ZNF263: variants seen among roughly 807,000 people sequenced by gnomAD.
ZNF263 encodes zinc finger protein FPM315.
In ZNF263, 49 loss-of-function variants were observed where a neutral mutation model predicts 63.1. That is an observed-to-expected ratio of 0.78 (90% CI 0.62 to 0.99). ZNF263 has a LOEUF of 0.99. ZNF263 is among the 50% of genes least tolerant of loss of function. ZNF263 has a pLI of 0.00. For synonymous variants in ZNF263, 352 were observed against 324.2 expected (o/e 1.09, Z -0.92); for missense variants, 872 against 854.8 (o/e 1.02, Z -0.25).
At chr16:3,292,961 CT>C (rs1959650836), downstream of ZNF263, 1 of 152,228 alleles carries the variant, frequency 6.6e-6, no homozygotes, top group Admixed American at 6.5e-5. Flanking sequence ...GCATCTAACA[CT>C]GACTGAGGTC....
intron 1 of ZNF263, among the ~76,000 whole-genome samples, chr16:3,297,456 C>CTTTTTT (rs1168352573): frequency 1.2e-4 from 9 of 76,444 alleles, no homozygotes; most frequent in African/African-American, 2.6e-4. Context: ...GAAACAGATT[C>CTTTTTT]TTTTTTTTTT....
In ZNF263 at chr16:3,283,804, T is replaced by C; in HGVS notation, c.-15T>C. ...CACGGCTGGTTTCGGGCTAAGGCGC[T>C]CTGGAGACCTGACGATGGCGTCGGG... On this transcript the variant is annotated 5_prime_UTR_variant, in exon 1 of 6. Coordinates refer to ENST00000219069, the MANE Select transcript of ZNF263 (RefSeq NM_005741.5). The C allele has an allele frequency of 6.5e-7, 1 of 1,542,414 alleles. No homozygotes were observed.
chr16:3,288,561 C>T lies in ZNF263; in HGVS notation c.877C>T (p.Pro293Ser). The change falls in exon 5 of 6, where the codon CCA (proline) becomes TCA (serine). Residue 293 changes from proline to serine, a missense_variant. Coordinates refer to ENST00000219069, the MANE Select transcript of ZNF263 (RefSeq NM_005741.5). ...CAAGGAGGGCCTGAGCCCCAGAGGC[C>T]CAGCTCCAGGTAAGGAATGAAGACA... ...SCKEGLSPRGPAPGEEKFENL... is the reference protein window; with the variant it reads ...SCKEGLSPRGSAPGEEKFENL... The T allele has an allele frequency of 6.2e-7, 1 of 1,609,784 alleles. No individual in the cohort carries two copies. The highest frequency in any genetic ancestry group is 8.5e-7 in the Non-Finnish European group (1 of 1,178,168).
Position 3,286,065 on chromosome 16 carries a change from G to C in ZNF263, c.685G>C (p.Glu229Gln). The change falls in exon 4 of 6, where the codon GAG (glutamate) becomes CAG (glutamine). Residue 229 changes from glutamate to glutamine, a missense_variant. Glu to Gln is a conservative substitution (Grantham distance 29). Coordinates refer to ENST00000219069, the MANE Select transcript of ZNF263 (RefSeq NM_005741.5). The stretch of plus-strand genomic sequence containing the variant: ...GGACGTGGCAATGTACATCTCCCAG[G>C]AGGAGTGGGGGCATCAGGATCCTAG... ...LEDVAMYISQ[E>Q]EWGHQDPSKR... is the part of the protein sequence containing the mutation. The C allele has an allele frequency of 6.2e-7, 1 of 1,612,830 alleles. No individual in the cohort carries two copies. The highest frequency in any genetic ancestry group is 8.5e-7 in the Non-Finnish European group (1 of 1,179,584).
In ZNF263 at chr16:3,289,440, G is replaced by GGT. The variant is rs745759027; in HGVS notation, c.934_935insGT (p.Glu312GlyfsTer83). The GGT allele has an allele frequency of 6.6e-7, 1 of 1,525,420 alleles. No individual in the cohort carries two copies. Among genetic ancestry groups the GGT allele is most frequent in the South Asian group, 1.3e-5 (1 of 75,510 alleles). The allele number at this position is 1,525,420 out of a possible 1,614,324, so 94.5% of individuals were successfully genotyped here. On this transcript the variant is annotated frameshift_variant, in exon 6 of 6. Coordinates refer to ENST00000219069, the MANE Select transcript of ZNF263 (RefSeq NM_005741.5). LOFTEE classifies it high-confidence loss of function. Reference sequence around the variant, plus strand: ...GGAAGGTGTTCCGTCTGTATGCTCTGAGAACATCCACCCTCAGGTGCTGCT... The same window carrying GGT: ...GGAAGGTGTTCCGTCTGTATGCTCTGGTAGAACATCCACCCTCAGGTGCTGCT...
intron 1 of ZNF263, among the ~76,000 whole-genome samples, chr16:3,298,024 C>T (rs1959810348): frequency 6.6e-6 from 1 of 152,264 alleles, no homozygotes; most frequent in South Asian, 2.1e-4. Flanking sequence ...AATTTAACAG[C>T]GTGTATCGCA....
chr16:3,287,968 T>A (rs1158024191), intron 4 of ZNF263, among the ~76,000 whole-genome samples: 3 of 149,338 alleles, frequency 2.0e-5, no homozygotes, highest in Admixed American at 6.7e-5. Flanking sequence ...AAAAAAAAAA[T>A]TGGCCGGGCG....
intron 4 of ZNF263, 68 bp downstream of exon 4, chr16:3,286,217 C>T: frequency 6.6e-7 from 1 of 1,516,872 alleles, no homozygotes; most frequent in Non-Finnish European, 8.8e-7. Context: ...GTTATTCATT[C>T]ACCTCCTGGA....
rs1483032508 is a variant in ZNF263 at position 3,300,263 on chromosome 16, C to T, written c.*47-650C>T. The T allele has an allele frequency of 3.1e-6, 5 of 1,614,104 alleles. No homozygotes were observed. In the Admixed American group the frequency reaches 5.0e-5, roughly 16 times the overall value. On this transcript the variant is annotated intron_variant, in intron 2 of 2. Coordinates refer to the ZNF263 transcript ENST00000574674. ...AGCCAACCAGTGCTAGCTTTGAAAT[C>T]TGTTCGCCCAAAACACCGTGCAAAT...
Position 3,289,618 on chromosome 16 carries a change from A to T in ZNF263, c.1112A>T (p.Glu371Val), listed in dbSNP as rs1959524101. 1.2e-6 allele frequency: 2 copies of T among 1,614,068 alleles called. No homozygotes were observed. Among genetic ancestry groups the T allele is most frequent in the Non-Finnish European group, 1.7e-6 (2 of 1,180,048 alleles). Residue 371 changes from glutamate to valine, a missense_variant, in exon 6 of 6, where the codon GAA becomes GTA. Transcript: ENST00000219069. ...GGCAGAGAACTGGGGCGACCGAAGG[A>T]ACTGCAGCCAAAGAAACTCCATTTA... ...SSGRELGRPK[E>V]LQPKKLHLCP...
rs765168966 is a variant in ZNF263 at position 3,285,213 on chromosome 16, G to A, written c.542G>A (p.Arg181Lys). 1.9e-6 allele frequency: 3 copies of A among 1,613,340 alleles called. No homozygotes were observed. The Admixed American group carries it at 5.0e-5, about 27-fold the overall frequency. ...GAGCTGCTAGGCCCCAGCCCCCAAA[G>A]GGACCCCCAGGCTGTAAAGGAGAGG... is the stretch of plus-strand genomic sequence containing the variant. The part of the protein sequence containing the change: ...LQELLGPSPQ[R>K]DPQAVKERAL... The change falls in exon 2 of 6, where the codon AGG becomes AAG. Residue 181 changes from arginine to lysine, a missense_variant. Physicochemically the swap from Arg to Lys is conservative, Grantham distance 26. Coordinates refer to ENST00000219069, the MANE Select transcript of ZNF263 (RefSeq NM_005741.5).
At chr16:3,300,379 T>A (rs762835297) in intron 2 of ZNF263, 5 of 1,614,244 alleles carry the variant, frequency 3.1e-6, no homozygotes, top group East Asian at 2.2e-5. Context: ...ATCATCTACA[T>A]CACCATATTT....
chr16:3,300,790 T>G, intron 2 of ZNF263: 3 of 1,148,554 alleles, frequency 2.6e-6, no homozygotes. Flanking sequence ...AGAGCTAGTC[T>G]AGAGGTGGAG....
At position 3,283,587 on chromosome 16, in the gene ZNF263, C is replaced by G. The variant is rs1188304324; in HGVS notation, c.-232C>G. ...GAAGCGTGGCGCTCGGTTCCTGCCT[C>G]GGGGAAGTCCTGGCGCAGATGGGCC... is the stretch of plus-strand genomic sequence containing the variant. On this transcript the variant is annotated 5_prime_UTR_variant, in exon 1 of 6. Transcript: ENST00000219069. 8.5e-6 allele frequency: 4 copies of G among 468,954 alleles called. No individual in the cohort carries two copies. Among genetic ancestry groups the G allele is most frequent in the Non-Finnish European group, 1.4e-5 (4 of 296,128 alleles). 29.0% of individuals were successfully genotyped at this position (468,954 alleles called of 1,614,324 possible). A position where few individuals can be genotyped will look rare whatever the true frequency, so the allele number is the denominator to read the frequency against.
rs753255365 is a variant in ZNF263 at position 3,291,043 on chromosome 16, C to T, written c.*485C>T. 260 of 995,068 alleles carry T rather than the reference C, an allele frequency of 2.6e-4. 1 individual carries two copies. Among genetic ancestry groups the T allele is most frequent in the Non-Finnish European group, 2.9e-4 (243 of 834,612 alleles). 61.6% of individuals were successfully genotyped at this position (995,068 alleles called of 1,614,324 possible). A position where few individuals can be genotyped will look rare whatever the true frequency, so the allele number is the denominator to read the frequency against. ...TCAACAAAAGACTGGTTGTGAGTTG[C>T]AGCTGTCCCGAAGGCCCCAGTTGGG... is the stretch of plus-strand genomic sequence containing the variant. On this transcript the variant is annotated 3_prime_UTR_variant, in exon 6 of 6. Transcript: ENST00000219069.
At chr16:3,299,265 G>A in intron 2 of ZNF263, 1 of 1,610,286 alleles carries the variant, frequency 6.2e-7, no homozygotes, top group Non-Finnish European at 8.5e-7. Flanking sequence ...TGGTTTTTAG[G>A]AGACAACCCT....
At chr16:3,286,416 C>T (rs1959360458) in intron 4 of ZNF263, 1 of 296,692 alleles carries the variant, frequency 3.4e-6, no homozygotes, top group African/African-American at 2.2e-5. Context: ...AAACCCAATG[C>T]GGTGACAACC....
rs1959604885 is a variant in ZNF263, at chr16:3,291,285, G to A, written c.*727G>A. The A allele has an allele frequency of 1.0e-6, 1 of 985,310 alleles. No individual in the cohort carries two copies. The highest frequency in any genetic ancestry group is 4.7e-5 in the South Asian group (1 of 21,292). 61.0% of individuals were successfully genotyped at this position (985,310 alleles called of 1,614,324 possible). ...GGAGAATGAGATTCCCCCCACCTGTGTGAGAAAAATAAACAGCTCTGGAGT... is the reference window on the plus strand; with the variant it reads ...GGAGAATGAGATTCCCCCCACCTGTATGAGAAAAATAAACAGCTCTGGAGT... On this transcript the variant is annotated 3_prime_UTR_variant, in exon 6 of 6. Transcript: ENST00000219069.
rs1361787685 is a variant in ZNF263 at position 3,290,770 on chromosome 16, G to A, written c.*212G>A. On this transcript the variant is annotated 3_prime_UTR_variant, in exon 6 of 6. Coordinates refer to ENST00000219069, the MANE Select transcript of ZNF263 (RefSeq NM_005741.5). ...ATGAGAAAGGATGGCAAGTCTCTGAGGTGACCTCAGGGTGGAATTCTCTGT... is the reference window on the plus strand; with the variant it reads ...ATGAGAAAGGATGGCAAGTCTCTGAAGTGACCTCAGGGTGGAATTCTCTGT... 1 of 1,370,448 alleles carries A rather than the reference G, an allele frequency of 7.3e-7. No individual in the cohort carries two copies. The highest frequency in any genetic ancestry group is 3.4e-5 in the Admixed American group (1 of 29,822). 84.9% of individuals were successfully genotyped at this position (1,370,448 alleles called of 1,614,324 possible). A position where few individuals can be genotyped will look rare whatever the true frequency, so the allele number is the denominator to read the frequency against.
Sources: gnomAD v4.1 joint callset for allele counts (sites outside exome capture counted in the v4.1 genomes callset) on GRCh38, gnomAD v4.1.1 for gene constraint, MANE v1.5 for transcripts, NCBI Gene and HGNC (gene_info 2026-07-23, HGNC 2026-07-21) for gene names.